The following PDE6A variants were observed in gnomAD, a reference collection of about 807,000 sequenced individuals.
The protein encoded by PDE6A is phosphodiesterase 6A.
A neutral mutation model predicts 106.3 loss-of-function variants in PDE6A; 84 were observed. The observed-to-expected ratio is 0.79, with a 90% CI of 0.66 to 0.95. The LOEUF (loss-of-function observed/expected upper bound fraction) is 0.95. Ranked by LOEUF, PDE6A falls within the 40% of genes least tolerant of loss-of-function variation. The pLI, the probability that PDE6A is intolerant of heterozygous loss-of-function variation, is 0.00. For synonymous variants in PDE6A, 394 were observed against 386.6 expected (o/e 1.02, Z -0.23); for missense variants, 1,052 against 1,084.9 (o/e 0.97, Z 0.43).
At position 149,907,381 on chromosome 5, in the gene PDE6A, G is replaced by A; in HGVS notation, c.999-3C>T. The A allele has an allele frequency of 2.5e-6, 4 of 1,613,598 alleles. No individual in the cohort carries two copies. The highest frequency in any genetic ancestry group is 1.7e-6 in the Non-Finnish European group (2 of 1,179,484). On this transcript the variant is annotated splice_polypyrimidine_tract_variant and splice_region_variant and intron_variant, in intron 6 of 21. Coordinates refer to ENST00000255266, the MANE Select transcript of PDE6A (RefSeq NM_000440.3). ...CCCAATGGTCAGGAGGTGGATTCCT[G>A]TGAAGGCCAAAGACAAAACGGTGAC...
At chr5:149,931,986 A>G in intron 3 of PDE6A, 1 of 1,407,950 alleles carries the variant, frequency 7.1e-7, no homozygotes, top group South Asian at 1.2e-5. Flanking sequence ...TTGAGATAAT[A>G]TTTTTGAGAG....
intron 6 of PDE6A, among the ~76,000 whole-genome samples, chr5:149,913,207 C>A (rs2113625679): frequency 6.6e-6 from 1 of 152,034 alleles, no homozygotes; most frequent in South Asian, 2.1e-4. Flanking sequence ...CATGGCGAAA[C>A]CCCATCTCTA....
intron 6 of PDE6A, among the ~76,000 whole-genome samples, chr5:149,913,337 C>A (rs1446945456): frequency 1.3e-5 from 2 of 148,592 alleles, no homozygotes; most frequent in Non-Finnish European, 3.0e-5. Context: ...AGCTGAGATT[C>A]GGCCACTGCA....
intron 21 of PDE6A, 43 bp from the exon 22 acceptor site, chr5:149,861,014 C>T (rs1391305039): frequency 5.1e-6 from 8 of 1,556,236 alleles, no homozygotes; most frequent in Non-Finnish European, 7.1e-6. Flanking sequence ...TGACAAGAGG[C>T]TGCAGTGGGC....
chr5:149,925,201 T>A (rs544063480), intron 4 of PDE6A, among the ~76,000 whole-genome samples: 7 of 152,188 alleles, frequency 4.6e-5, no homozygotes, highest in African/African-American at 1.7e-4. Flanking sequence ...GGGAAACAGA[T>A]CATAGAAATA....
At chr5:149,864,048 C>A (rs1760238488) in intron 20 of PDE6A, among the ~76,000 whole-genome samples, 1 of 152,110 alleles carries the variant, frequency 6.6e-6, no homozygotes, top group South Asian at 2.1e-4. Context: ...TGGAAGCTCC[C>A]AAAGCCCTCT....
At chr5:149,913,290 G>A (rs544473058) in intron 6 of PDE6A, among the ~76,000 whole-genome samples, 16 of 151,890 alleles carry the variant, frequency 1.1e-4, no homozygotes, top group Non-Finnish European at 1.9e-4. Flanking sequence ...GCTGAGGCAG[G>A]AGAATCGCTT....
chr5:149,941,662 T>C (rs1754330724), intron 1 of PDE6A, among the ~76,000 whole-genome samples: 1 of 152,150 alleles, frequency 6.6e-6, no homozygotes, highest in Non-Finnish European at 1.5e-5. Flanking sequence ...TATGAAGAAA[T>C]ATCAGACAAG....
At position 149,921,654 on chromosome 5, in the gene PDE6A, G is replaced by A. The variant is rs373695351; in HGVS notation, c.914C>T (p.Pro305Leu). Residue 305 changes from proline (P) to leucine (L), a missense_variant, in exon 5 of 22, where the codon CCC (proline) becomes CTC (leucine). Around this residue, in one of 3 missense-constraint regions of PDE6A, gnomAD observed 913 missense variants for 915.2 expected, o/e 1.00. Transcript: ENST00000255266. ...LMGEVPPYSG[P>L]RTPDGREINF... ...ACGTACTCTTCCATCCGGAGTCCTGGGACCAGAGTAAGGTGGAACTTCACC... is the reference window on the plus strand; with the variant it reads ...ACGTACTCTTCCATCCGGAGTCCTGAGACCAGAGTAAGGTGGAACTTCACC... The A allele has an allele frequency of 3.9e-5, 63 of 1,613,492 alleles. No individual in the cohort carries two copies. Among genetic ancestry groups the A allele is most frequent in the Non-Finnish European group, 5.3e-5 (63 of 1,179,680 alleles).
At chr5:149,925,868 T>A (rs1008643693) in intron 4 of PDE6A, among the ~76,000 whole-genome samples, 1 of 151,456 alleles carries the variant, frequency 6.6e-6, no homozygotes. Context: ...AACTTAGAGG[T>A]CTTTTCATTA....
intron 16 of PDE6A, among the ~76,000 whole-genome samples, chr5:149,884,166 A>G (rs867149530): frequency 1.3e-5 from 2 of 150,206 alleles, no homozygotes; most frequent in African/African-American, 4.9e-5. Context: ...TGGGCAACAG[A>G]GTGAGATCCT....
chr5:149,863,190 A>G lies in PDE6A; in HGVS notation c.2435T>C (p.Leu812Pro), dbSNP rs777373238. 1 of 1,614,022 alleles carries G rather than the reference A, an allele frequency of 6.2e-7. No homozygotes were observed. The highest frequency in any genetic ancestry group is 1.3e-5 in the African/African-American group (1 of 74,900). Residue 812 changes from leucine (L) to proline (P), a missense_variant, in exon 21 of 22, where the codon CTT becomes CCT. Transcript: ENST00000255266. This position sits in a 1 kb window ranked among gnomAD's most constrained non-coding sequence, Gnocchi z 4.7. ...CATCTTGGCATCGTACTCATCAGCA[A>G]GCGCCTTCCACTCCTTGCGATTGTT... ...ITNNRKEWKA[L>P]ADEYDAKMKV...
At chr5:149,870,235 G>A (rs1760483395) in intron 17 of PDE6A, among the ~76,000 whole-genome samples, 1 of 152,192 alleles carries the variant, frequency 6.6e-6, no homozygotes, top group Non-Finnish European at 1.5e-5. Flanking sequence ...GCCACAGTGA[G>A]CTATGATCAT....
chr5:149,917,606 C>T (rs1283612352), intron 5 of PDE6A, among the ~76,000 whole-genome samples: 2 of 152,174 alleles, frequency 1.3e-5, no homozygotes, highest in Admixed American at 6.5e-5. Flanking sequence ...GAAACCACTC[C>T]AATGGCACAG....
intron 15 of PDE6A, 89 bp downstream of exon 15, chr5:149,884,691 G>T: frequency 6.8e-7 from 1 of 1,461,730 alleles, no homozygotes; most frequent in East Asian, 2.3e-5. Context: ...CCAATGGGAA[G>T]AATGCTCCCT....
rs1157739634 is a variant in PDE6A, at chr5:149,934,704, A to G, written c.489T>C (p.Cys163=). The change falls in exon 2 of 22, where the codon TGT becomes TGC. Residue 163 remains cysteine, a synonymous_variant. Transcript: ENST00000255266. ...VPNTEEDEHF[C]DFVDILTEYK... ...ACTCTGTGAGGATGTCCACAAAGTC[A>G]CAGAAATGCTCATCCTAAAGGAAGG... 1 of 1,613,834 alleles carries G rather than the reference A, an allele frequency of 6.2e-7. No homozygotes were observed. The highest frequency in any genetic ancestry group is 8.5e-7 in the Non-Finnish European group (1 of 1,180,028).
chr5:149,912,926 A>G (rs550641243), intron 6 of PDE6A, among the ~76,000 whole-genome samples: 1 of 152,278 alleles, frequency 6.6e-6, no homozygotes, highest in East Asian at 1.9e-4. Flanking sequence ...CTGGTCAAGC[A>G]GAGACAAACA....
intron 10 of PDE6A, among the ~76,000 whole-genome samples, chr5:149,897,372 A>G (rs1319113543): frequency 6.6e-6 from 1 of 152,182 alleles, no homozygotes; most frequent in Admixed American, 6.5e-5. Flanking sequence ...AAATTTGTTA[A>G]CTTGTAACTG....
chr5:149,872,948 C>T (rs1760614439), intron 17 of PDE6A, among the ~76,000 whole-genome samples: 1 of 152,188 alleles, frequency 6.6e-6, no homozygotes. Flanking sequence ...AGCTCTGCCA[C>T]TGCGATGTGA....
Sources: allele counts gnomAD v4.1 joint callset (sites outside exome capture counted in the v4.1 genomes callset), GRCh38; gene constraint gnomAD v4.1.1; regional missense constraint gnomAD v4.1.1; non-coding constraint Gnocchi (gnomAD v3.1); transcripts MANE v1.5; gene names NCBI Gene and HGNC (gene_info 2026-07-23, HGNC 2026-07-21).